The following C12orf42 variants were observed in gnomAD, a reference collection of about 807,000 sequenced individuals.
C12orf42 encodes uncharacterized protein C12orf42.
In C12orf42, 25 loss-of-function variants were observed where a neutral mutation model predicts 21.6. The observed-to-expected ratio is 1.16, with a 90% CI of 0.84 to 1.62. C12orf42 has a LOEUF of 1.62. Among genes scored for constraint, C12orf42 ranks in the 40% most tolerant of loss-of-function variants. The pLI is 0.00. For synonymous variants in C12orf42, 174 were observed against 175.0 expected (o/e 0.99, Z 0.05); for missense variants, 483 against 459.3 (o/e 1.05, Z -0.47).
At chr12:103,489,245 C>G (rs768314871) in intron 1 of C12orf42, among the ~76,000 whole-genome samples, 2 of 152,326 alleles carry the variant, frequency 1.3e-5, no homozygotes, top group South Asian at 4.1e-4. Context: ...GAGGTCCACT[C>G]CAGACCCTGT....
chr12:103,116,381 A>AAATATATAT, the C12orf42 span, among the ~76,000 whole-genome samples: 53 of 136,690 alleles, frequency 3.9e-4, no homozygotes, highest in African/African-American at 1.4e-3. Flanking sequence ...AAAAAAAAAA[A>AAATATATAT]ATATATATAT....
chr12:103,259,343 A>G (rs1415776609), intron 10 of C12orf42, among the ~76,000 whole-genome samples: 1 of 152,152 alleles, frequency 6.6e-6, no homozygotes, highest in Non-Finnish European at 1.5e-5. Flanking sequence ...CAATGATGCA[A>G]TCTTGGCTCA....
chr12:103,215,722 C>T, the C12orf42 span, among the ~76,000 whole-genome samples: 41 of 152,310 alleles, frequency 2.7e-4, no homozygotes, highest in African/African-American at 9.9e-4. Flanking sequence ...CACCCTCCAA[C>T]CTAGCTCTAT....
intron 2 of C12orf42, among the ~76,000 whole-genome samples, chr12:103,426,734 A>G (rs980741691): frequency 1.3e-5 from 2 of 152,256 alleles, no homozygotes; most frequent in African/African-American, 2.4e-5. Context: ...AACAAAGGGA[A>G]GTCCATCAGA....
the C12orf42 span, among the ~76,000 whole-genome samples, chr12:103,135,837 C>G: frequency 6.6e-6 from 1 of 152,054 alleles, no homozygotes; most frequent in African/African-American, 2.4e-5. Context: ...CACAGTAAGA[C>G]CATTTGATAA....
chr12:103,102,597 T>C, the C12orf42 span, among the ~76,000 whole-genome samples: 1 of 152,218 alleles, frequency 6.6e-6, no homozygotes, highest in South Asian at 2.1e-4. Context: ...AAACTATAGC[T>C]TCTCACTGCT....
chr12:103,063,571 T>G, the C12orf42 span, among the ~76,000 whole-genome samples: 1 of 152,106 alleles, frequency 6.6e-6, no homozygotes, highest in Non-Finnish European at 1.5e-5. Flanking sequence ...AGCCTTTCCA[T>G]CTTTGTATGA....
At chr12:103,374,357 T>C (rs2138035395) in intron 3 of C12orf42, among the ~76,000 whole-genome samples, 1 of 152,236 alleles carries the variant, frequency 6.6e-6, no homozygotes, top group Middle Eastern at 3.4e-3. Flanking sequence ...ACCAGCGAGA[T>C]ATAATGGGAT....
chr12:103,535,714 C>G, the C12orf42 span, among the ~76,000 whole-genome samples: 1 of 152,130 alleles, frequency 6.6e-6, no homozygotes. Flanking sequence ...CTAGGCAAGA[C>G]ATGTTGAGGA....
At chr12:103,535,631 CTA>C in the C12orf42 span, among the ~76,000 whole-genome samples, 45 of 152,024 alleles carry the variant, frequency 3.0e-4, no homozygotes, top group African/African-American at 1.1e-3. Flanking sequence ...ATCAAAATAG[CTA>C]TCTCTTGGAG....
At chr12:103,473,423 G>A (rs1373803735) in intron 2 of C12orf42, among the ~76,000 whole-genome samples, 3 of 152,186 alleles carry the variant, frequency 2.0e-5, no homozygotes, top group Non-Finnish European at 4.4e-5. Flanking sequence ...CCCAGGCCAT[G>A]CTAAAAGCTA....
intron 10 of C12orf42, among the ~76,000 whole-genome samples, chr12:103,252,842 C>T (rs2034377312): frequency 6.6e-6 from 1 of 152,020 alleles, no homozygotes; most frequent in Non-Finnish European, 1.5e-5. Context: ...CTTTTGTTGC[C>T]ATTGCTTTTG....
At chr12:103,311,095 G>T (rs1276238593) in intron 4 of C12orf42, among the ~76,000 whole-genome samples, 2 of 152,090 alleles carry the variant, frequency 1.3e-5, no homozygotes, top group African/African-American at 4.8e-5. Context: ...TACCTCCAGG[G>T]AACTGGATCT....
chr12:103,556,070 T>C, the C12orf42 span, among the ~76,000 whole-genome samples: 46 of 152,308 alleles, frequency 3.0e-4, no homozygotes, highest in African/African-American at 1.0e-3. Context: ...ATAAAAGACA[T>C]ACTCTGACAG....
At chr12:103,358,111 A>C (rs2043749210) in intron 4 of C12orf42, among the ~76,000 whole-genome samples, 2 of 152,024 alleles carry the variant, frequency 1.3e-5, no homozygotes, top group African/African-American at 4.8e-5. Context: ...TCATTCATAG[A>C]ATGACATAAG....
downstream of C12orf42, among the ~76,000 whole-genome samples, chr12:103,265,971 G>T (rs965320439): frequency 6.6e-6 from 1 of 152,140 alleles, no homozygotes; most frequent in East Asian, 1.9e-4. Flanking sequence ...TAGTGGGAAG[G>T]CCTCTTTCAC....
chr12:103,062,535 G>C, the C12orf42 span, among the ~76,000 whole-genome samples: 1 of 151,712 alleles, frequency 6.6e-6, no homozygotes, highest in Non-Finnish European at 1.5e-5. Flanking sequence ...TTAAATATTA[G>C]GTTGGTGCAA....
chr12:103,553,187 T>C, the C12orf42 span, among the ~76,000 whole-genome samples: 1 of 152,170 alleles, frequency 6.6e-6, no homozygotes, highest in African/African-American at 2.4e-5. Context: ...GCATTCCTCC[T>C]CTCAGTTTGA....
the C12orf42 span, among the ~76,000 whole-genome samples, chr12:103,556,388 G>A: frequency 6.6e-6 from 1 of 152,170 alleles, no homozygotes; most frequent in Non-Finnish European, 1.5e-5. Context: ...GAAAATCGGG[G>A]CTTAGTCATA....
Sources: allele counts gnomAD v4.1 joint callset (sites outside exome capture counted in the v4.1 genomes callset), GRCh38; gene constraint gnomAD v4.1.1; transcripts MANE v1.5; gene names NCBI Gene and HGNC (gene_info 2026-07-23, HGNC 2026-07-21).